The following KCNK13 variants were observed in gnomAD, a reference collection of about 807,000 sequenced individuals.
KCNK13 encodes the protein potassium channel subfamily K member 13.
In KCNK13, 12 loss-of-function variants were observed where a neutral mutation model predicts 23.4. That is an observed-to-expected ratio of 0.51 (90% CI 0.33 to 0.83). KCNK13 has a LOEUF of 0.83. Ranked by LOEUF, KCNK13 falls within the 40% of genes least tolerant of loss-of-function variation. The probability of loss-of-function intolerance (pLI) is 0.02; values close to 1 mark genes in which losing one functional copy is unlikely to be tolerated. For missense variants in KCNK13, 463 were observed against 556.3 expected, an observed-to-expected ratio of 0.83 and a Z score of 1.69; for synonymous variants, 231 against 229.5, an observed-to-expected ratio of 1.01 and a Z score of -0.06.
At chr14:90,156,719 G>A (rs968093699) in intron 1 of KCNK13, among the ~76,000 whole-genome samples, 1 of 152,134 alleles carries the variant, frequency 6.6e-6, no homozygotes, top group Admixed American at 6.5e-5. Context: ...TTCCACAGAT[G>A]AGGCATAGGG....
At chr14:90,077,065 C>A (rs570540234) in intron 1 of KCNK13, among the ~76,000 whole-genome samples, 1 of 150,708 alleles carries the variant, frequency 6.6e-6, no homozygotes, top group Non-Finnish European at 1.5e-5. Context: ...GTGATCCGCC[C>A]GCCTCAGCCT....
At chr14:90,070,184 A>C (rs1315879309) in intron 1 of KCNK13, among the ~76,000 whole-genome samples, 2 of 152,264 alleles carry the variant, frequency 1.3e-5, no homozygotes, top group African/African-American at 4.8e-5. Context: ...TCTCGATTTC[A>C]GAGATATTAA....
chr14:90,099,538 A>C (rs1386700746), intron 1 of KCNK13, among the ~76,000 whole-genome samples: 21 of 152,212 alleles, frequency 1.4e-4, no homozygotes, highest in Non-Finnish European at 4.4e-5. Flanking sequence ...GTTATTAGAA[A>C]GGTGTTTCTG....
chr14:90,078,544 A>G (rs1330517884), intron 1 of KCNK13, among the ~76,000 whole-genome samples: 6 of 151,902 alleles, frequency 3.9e-5, no homozygotes, highest in Non-Finnish European at 5.9e-5. Context: ...TGGAATACAC[A>G]GTGATGTAGT....
At chr14:90,096,867 T>TC (rs1447544331) in intron 1 of KCNK13, among the ~76,000 whole-genome samples, 1 of 152,172 alleles carries the variant, frequency 6.6e-6, no homozygotes, top group Non-Finnish European at 1.5e-5. Flanking sequence ...TGAGTTTTTG[T>TC]CCCCTCAGTT....
At chr14:90,151,024 G>C (rs1258400212) in intron 1 of KCNK13, among the ~76,000 whole-genome samples, 1 of 152,056 alleles carries the variant, frequency 6.6e-6, no homozygotes, top group Non-Finnish European at 1.5e-5. Flanking sequence ...TCTTCCTCCT[G>C]TTCACACTTT....
intron 1 of KCNK13, among the ~76,000 whole-genome samples, chr14:90,141,681 C>T (rs1890006716): frequency 6.6e-6 from 1 of 151,610 alleles, no homozygotes; most frequent in Non-Finnish European, 1.5e-5. Context: ...TGGTCTCGAA[C>T]TCCTGACCTC....
At chr14:90,128,596 G>A (rs1298328289) in intron 1 of KCNK13, among the ~76,000 whole-genome samples, 4 of 152,112 alleles carry the variant, frequency 2.6e-5, no homozygotes, top group Admixed American at 2.0e-4. Context: ...AGGTACAGAC[G>A]GAGGTAAAAT....
rs551327071 is a variant in KCNK13 at position 90,175,341 on chromosome 14, CA to C, written c.335-8764del. ...CTACTTCATCTCAAAAAGACATGTA[CA>C]AAAAAGTTTGTGGAAACATTATTCT... On this transcript the variant is annotated intron_variant, in intron 1 of 1. Coordinates refer to ENST00000282146, the MANE Select transcript of KCNK13 (RefSeq NM_022054.4). 9.4e-4 allele frequency among the ~76,000 whole-genome samples: 143 copies of C among 152,202 alleles called. 3 individuals are homozygous for C. The highest frequency in any genetic ancestry group is 4.4e-5 in the Non-Finnish European group (3 of 68,002).
At chr14:90,162,308 A>G (rs1185782060) in intron 1 of KCNK13, among the ~76,000 whole-genome samples, 1 of 152,242 alleles carries the variant, frequency 6.6e-6, no homozygotes, top group East Asian at 1.9e-4. Context: ...TTTGTCTCTG[A>G]TAAGTGACAT....
chr14:90,110,723 C>T (rs1030331226), intron 1 of KCNK13, among the ~76,000 whole-genome samples: 2 of 151,290 alleles, frequency 1.3e-5, no homozygotes, highest in South Asian at 4.2e-4. Context: ...ATATGCATAT[C>T]CCTGGCCAAG....
chr14:90,121,461 A>G (rs1258652101), intron 1 of KCNK13, among the ~76,000 whole-genome samples: 1 of 152,214 alleles, frequency 6.6e-6, no homozygotes, highest in African/African-American at 2.4e-5. Context: ...GTGTTTGATC[A>G]TTCCCAAGCA....
intron 1 of KCNK13, among the ~76,000 whole-genome samples, chr14:90,176,982 T>G (rs1029610791): frequency 6.6e-6 from 1 of 152,136 alleles, no homozygotes; most frequent in Admixed American, 6.5e-5. Context: ...ATCACACCAC[T>G]GCACTCCAGC....
chr14:90,115,773 G>A (rs1046947818), intron 1 of KCNK13, among the ~76,000 whole-genome samples: 12 of 152,188 alleles, frequency 7.9e-5, no homozygotes, highest in African/African-American at 2.9e-4. Context: ...AACCACCTGG[G>A]GAGCTATAAT....
intron 1 of KCNK13, among the ~76,000 whole-genome samples, chr14:90,126,458 G>A (rs1889801604): frequency 6.6e-6 from 1 of 151,892 alleles, no homozygotes; most frequent in African/African-American, 2.4e-5. Flanking sequence ...GTGACGTGAC[G>A]TGACGTGACG....
chr14:90,086,359 C>A (rs1403899041), intron 1 of KCNK13, among the ~76,000 whole-genome samples: 3 of 152,108 alleles, frequency 2.0e-5, no homozygotes, highest in Non-Finnish European at 4.4e-5. Flanking sequence ...AAAACTGAAG[C>A]ACAGAGGTTA....
intron 1 of KCNK13, among the ~76,000 whole-genome samples, chr14:90,096,780 TTC>T (rs1328601349): frequency 1.3e-5 from 2 of 152,214 alleles, no homozygotes; most frequent in African/African-American, 4.8e-5. Flanking sequence ...TTGCCTTTGC[TTC>T]TCTCTTTCTT....
At chr14:90,071,238 C>T (rs1162042450) in intron 1 of KCNK13, among the ~76,000 whole-genome samples, 1 of 152,132 alleles carries the variant, frequency 6.6e-6, no homozygotes, top group African/African-American at 2.4e-5. Flanking sequence ...CCTTGGGGTC[C>T]TGTCCAAGAA....
In KCNK13 at chr14:90,136,836, A is replaced by G. The variant is rs1216023748; in HGVS notation, c.335-47275A>G. On this transcript the variant is annotated intron_variant, in intron 1 of 1. Transcript: ENST00000282146. ...AACCGAGAGGGTCAAATACAGACCC[A>G]GTATTTGAAATAGCACTTTGGATGG... Among the ~76,000 whole-genome samples the G allele has an allele frequency of 9.2e-5, 14 of 152,178 alleles. 1 individual carries two copies. Among genetic ancestry groups the G allele is most frequent in the Admixed American group, 9.2e-4 (14 of 15,286 alleles).
Sources: gnomAD v4.1 joint callset for allele counts (sites outside exome capture counted in the v4.1 genomes callset) on GRCh38, gnomAD v4.1.1 for gene constraint, MANE v1.5 for transcripts, NCBI Gene and HGNC (gene_info 2026-07-23, HGNC 2026-07-21) for gene names.